SLC15A4: variants seen among roughly 807,000 people sequenced by gnomAD.
SLC15A4 encodes the protein solute carrier family 15 member 4, also known as hPHT1.
SLC15A4 carries 26 observed loss-of-function variants against 46.1 expected under a neutral mutation model. The ratio of observed to expected loss-of-function variants is 0.56; its 90% confidence interval spans 0.41 to 0.78. The LOEUF is 0.78. Among genes scored for constraint, SLC15A4 ranks in the 30% least tolerant of loss-of-function variants. SLC15A4 has a pLI of 0.00. For missense variants in SLC15A4, 751 were observed against 755.7 expected (o/e 0.99, Z 0.07); for synonymous variants, 370 against 333.4 (o/e 1.11, Z -1.20).
At chr12:128,819,638 C>T (rs1039597905) in intron 1 of SLC15A4, 4 of 152,204 alleles carry the variant, frequency 2.6e-5, no homozygotes, top group African/African-American at 9.7e-5. Flanking sequence ...ACTCAGCACG[C>T]GCTGCAGGGG....
intron 3 of SLC15A4, 56 bp downstream of exon 3, chr12:128,809,887 T>C (rs1955635142): frequency 1.3e-6 from 2 of 1,544,760 alleles, no homozygotes; most frequent in Admixed American, 3.8e-5. Context: ...AAACAAGTGC[T>C]AGGGTAAGAC....
At chr12:128,801,196 G>A (rs1395348334) in intron 5 of SLC15A4, 187 bp from the exon 6 acceptor site, 2 of 551,426 alleles carry the variant, frequency 3.6e-6, no homozygotes, top group Non-Finnish European at 6.3e-6. Context: ...AGGCTGAGTG[G>A]AGGTCATGGC....
intron 2 of SLC15A4, among the ~76,000 whole-genome samples, chr12:128,812,149 G>A (rs1461671361): frequency 6.6e-6 from 1 of 152,164 alleles, no homozygotes; most frequent in East Asian, 1.9e-4. Context: ...CTGATGAGTT[G>A]AACAAATACG....
At chr12:128,803,334 C>T (rs530988567) in intron 5 of SLC15A4, among the ~76,000 whole-genome samples, 76 of 152,220 alleles carry the variant, frequency 5.0e-4, no homozygotes, top group Middle Eastern at 3.4e-3. Context: ...GAAAAAGAAT[C>T]AAAAACCAAA....
chr12:128,799,420 G>A lies in SLC15A4; in HGVS notation c.1415-3C>T. On this transcript the variant is annotated splice_polypyrimidine_tract_variant and splice_region_variant and intron_variant, in intron 6 of 7. Coordinates refer to ENST00000266771, the MANE Select transcript of SLC15A4 (RefSeq NM_145648.4). The stretch of plus-strand genomic sequence containing the variant: ...AGCTGAGTATGCAAATTCCAGGCCT[G>A]AGGAAAGAAAAGGGAGGGTCGTTTT... The A allele has an allele frequency of 6.2e-7, 1 of 1,613,928 alleles. No homozygotes were observed. Among genetic ancestry groups the A allele is most frequent in the Non-Finnish European group, 8.5e-7 (1 of 1,179,940 alleles).
chr12:128,795,821 C>A (rs556008118), intron 7 of SLC15A4, among the ~76,000 whole-genome samples: 1 of 152,364 alleles, frequency 6.6e-6, no homozygotes, highest in Non-Finnish European at 1.5e-5. Context: ...CTGCTCCTGC[C>A]ACCATGGCGT....
chr12:128,808,507 A>C lies in SLC15A4; in HGVS notation c.1258+281T>G, dbSNP rs572615867. 3.9e-5 allele frequency among the ~76,000 whole-genome samples: 6 copies of C among 152,316 alleles called. No homozygotes were observed. The South Asian group carries it at 1.0e-3, about 26-fold the overall frequency. ...TTCAGCATTCAATAGCCTAATTCTA[A>C]ATCAGTAGGTAGAGAAAAACCTCCC... is the stretch of plus-strand genomic sequence containing the variant. On this transcript the variant is annotated intron_variant, in intron 5 of 7. Coordinates refer to ENST00000266771, the MANE Select transcript of SLC15A4 (RefSeq NM_145648.4).
At chr12:128,803,441 G>GC (rs1258953400) in intron 5 of SLC15A4, among the ~76,000 whole-genome samples, 3 of 152,258 alleles carry the variant, frequency 2.0e-5, no homozygotes, top group Non-Finnish European at 4.4e-5. Flanking sequence ...TTCACAGTAA[G>GC]CTGGGGGGAG....
intron 7 of SLC15A4, among the ~76,000 whole-genome samples, chr12:128,798,984 C>A (rs761149913): frequency 6.6e-6 from 1 of 152,174 alleles, no homozygotes; most frequent in Non-Finnish European, 1.5e-5. Context: ...CCGTAAGGAG[C>A]GGTGGCTGCA....
At chr12:128,819,649 G>C (rs1248250294) in intron 1 of SLC15A4, 1 of 152,220 alleles carries the variant, frequency 6.6e-6, no homozygotes, top group Non-Finnish European at 1.5e-5. Flanking sequence ...GCTGCAGGGG[G>C]CGGCCAGGTC....
chr12:128,799,477 A>G (rs1955489489), intron 6 of SLC15A4, 60 bp from the exon 7 acceptor site: 2 of 1,586,324 alleles, frequency 1.3e-6, no homozygotes, highest in South Asian at 2.2e-5. Flanking sequence ...CATGGGATCA[A>G]AGCTTTCACC....
At chr12:128,822,902 G>A (rs549023871) in intron 1 of SLC15A4, among the ~76,000 whole-genome samples, 1 of 152,106 alleles carries the variant, frequency 6.6e-6, no homozygotes, top group Non-Finnish European at 1.5e-5. Context: ...AAGCTAGAGT[G>A]CACTGGTGTG....
chr12:128,811,365 T>C (rs975730077), intron 2 of SLC15A4, among the ~76,000 whole-genome samples: 2 of 152,264 alleles, frequency 1.3e-5, no homozygotes, highest in Non-Finnish European at 2.9e-5. Flanking sequence ...ATTTTAAGTC[T>C]GGACATTCAG....
Position 128,817,374 on chromosome 12 carries a change from A to G in SLC15A4, c.547-2304T>C, listed in dbSNP as rs141979252. ...CAGAGAAATGGTTACTGAGAAAACAAAACTAGAAGTGCGAAAAAATAACAA... is the reference window on the plus strand; with the variant it reads ...CAGAGAAATGGTTACTGAGAAAACAGAACTAGAAGTGCGAAAAAATAACAA... On this transcript the variant is annotated intron_variant, in intron 1 of 7. Transcript: ENST00000266771. Among the ~76,000 whole-genome samples the G allele has an allele frequency of 2.2e-3, 340 of 152,382 alleles. 1 individual carries two copies. Among genetic ancestry groups the G allele is most frequent in the Admixed American group, 4.5e-3 (69 of 15,308 alleles).
Position 128,793,946 on chromosome 12 carries a change from T to C in SLC15A4, c.*250A>G. The C allele has an allele frequency of 2.8e-6, 1 of 356,406 alleles. No individual in the cohort carries two copies. The highest frequency in any genetic ancestry group is 5.1e-6 in the Non-Finnish European group (1 of 197,758). 22.1% of individuals were successfully genotyped at this position (356,406 alleles called of 1,614,324 possible). The stretch of plus-strand genomic sequence containing the variant: ...CCAGCTAGAGGATTCACAGAGACCT[T>C]GAATGACAAGCGACATACTCGAAAT... On this transcript the variant is annotated 3_prime_UTR_variant, in exon 8 of 8. Transcript: ENST00000266771.
intron 1 of SLC15A4, among the ~76,000 whole-genome samples, chr12:128,817,928 AG>A (rs1955782324): frequency 6.6e-6 from 1 of 152,160 alleles, no homozygotes. Context: ...TGCCCTACCA[AG>A]GGTAAACAAG....
chr12:128,798,873 C>A (rs1051093374), intron 7 of SLC15A4, among the ~76,000 whole-genome samples: 2 of 152,178 alleles, frequency 1.3e-5, no homozygotes, highest in Admixed American at 1.3e-4. Flanking sequence ...GAAAGTACAC[C>A]ACCAAGTTAA....
At chr12:128,810,243 T>A in intron 2 of SLC15A4, 132 bp from the exon 3 acceptor site, 1 of 794,520 alleles carries the variant, frequency 1.3e-6, no homozygotes, top group Non-Finnish European at 2.0e-6. Flanking sequence ...CATCACTTAC[T>A]AATTGTACAC....
intron 1 of SLC15A4, 56 bp downstream of exon 1, chr12:128,823,342 T>C (rs2135728275): frequency 1.5e-6 from 2 of 1,336,668 alleles, no homozygotes; most frequent in East Asian, 3.1e-5. Flanking sequence ...GGGAAGAGGC[T>C]GGGGCTGGGC....
Sources: gnomAD v4.1 joint callset for allele counts (sites outside exome capture counted in the v4.1 genomes callset) on GRCh38, gnomAD v4.1.1 for gene constraint, MANE v1.5 for transcripts, NCBI Gene and HGNC (gene_info 2026-07-23, HGNC 2026-07-21) for gene names.